PTPRM: variants seen among roughly 807,000 people sequenced by gnomAD.
The protein encoded by PTPRM is receptor-type tyrosine-protein phosphatase mu.
PTPRM carries 47 observed loss-of-function variants against 186.7 expected under a neutral mutation model. That is an observed-to-expected ratio of 0.25 (90% CI 0.20 to 0.32). The LOEUF is 0.32. Ranked by LOEUF, PTPRM falls within the 10% of genes least tolerant of loss-of-function variation. The probability of loss-of-function intolerance (pLI) is 1.00; values close to 1 mark genes in which losing one functional copy is unlikely to be tolerated. For missense variants in PTPRM, 1,494 were observed against 1,865.0 expected, an observed-to-expected ratio of 0.80 and a Z score of 3.66; for synonymous variants, 668 against 674.9, an observed-to-expected ratio of 0.99 and a Z score of 0.16.
intron 1 of PTPRM, among the ~76,000 whole-genome samples, chr18:7,628,422 T>G (rs568726660): frequency 6.6e-6 from 1 of 152,370 alleles, no homozygotes; most frequent in East Asian, 1.9e-4. Context: ...AATGAAAGTT[T>G]AAAACGATAA....
intron 2 of PTPRM, among the ~76,000 whole-genome samples, chr18:7,874,919 G>T (rs1417505798): frequency 2.6e-5 from 4 of 152,168 alleles, no homozygotes; most frequent in African/African-American, 9.7e-5. Flanking sequence ...ATGGCCTGGC[G>T]CAGTGGCTCA....
chr18:7,639,707 A>G (rs181220070), intron 1 of PTPRM, among the ~76,000 whole-genome samples: 106 of 152,260 alleles, frequency 7.0e-4, no homozygotes, highest in Non-Finnish European at 1.3e-3. Context: ...ATGCTTTTAT[A>G]TTCATATTCC....
At chr18:7,594,156 G>T (rs1238522625) in intron 1 of PTPRM, among the ~76,000 whole-genome samples, 2 of 152,086 alleles carry the variant, frequency 1.3e-5, no homozygotes, top group Non-Finnish European at 2.9e-5. Flanking sequence ...AGACAAAATA[G>T]TAAAGTCAGT....
chr18:7,827,084 A>AG (rs1175997984), intron 2 of PTPRM, among the ~76,000 whole-genome samples: 1 of 152,356 alleles, frequency 6.6e-6, no homozygotes, highest in African/African-American at 2.4e-5. Context: ...CCTGGGTGAC[A>AG]GCAAGGCCCT....
At position 7,976,750 on chromosome 18, in the gene PTPRM, G is replaced by A. The variant is rs115711419; in HGVS notation, c.1132+21336G>A. Among the ~76,000 whole-genome samples the A allele has an allele frequency of 5.0e-3, 762 of 152,254 alleles. 7 individuals carry two copies. Among genetic ancestry groups the A allele is most frequent in the African/African-American group, 0.017 (712 of 41,530 alleles). Reference sequence around the variant, plus strand: ...GAAAGGAAGAGAGGAAAATGAATGCGGAGTAAGCAACTGACAGTGGCCAGT... The same window carrying A: ...GAAAGGAAGAGAGGAAAATGAATGCAGAGTAAGCAACTGACAGTGGCCAGT... On this transcript the variant is annotated intron_variant, in intron 7 of 32. Coordinates refer to ENST00000580170, the MANE Select transcript of PTPRM (RefSeq NM_001105244.2).
intron 1 of PTPRM, among the ~76,000 whole-genome samples, chr18:7,602,165 A>G (rs2037418497): frequency 6.6e-6 from 1 of 152,194 alleles, no homozygotes; most frequent in Non-Finnish European, 1.5e-5. Flanking sequence ...TAAAGTGGTC[A>G]GGACTGCAGG....
At chr18:8,185,244 C>T (rs1348903508) in intron 14 of PTPRM, among the ~76,000 whole-genome samples, 1 of 152,218 alleles carries the variant, frequency 6.6e-6, no homozygotes, top group East Asian at 1.9e-4. Context: ...AGACATCCAT[C>T]TCTCCTGTAG....
intron 7 of PTPRM, among the ~76,000 whole-genome samples, chr18:7,998,245 G>C (rs1277949683): frequency 6.6e-6 from 1 of 151,880 alleles, no homozygotes; most frequent in African/African-American, 2.4e-5. Context: ...GGATGAGCCT[G>C]GAGGACATTA....
chr18:8,325,743 A>G (rs2148119525), intron 22 of PTPRM, among the ~76,000 whole-genome samples: 1 of 152,246 alleles, frequency 6.6e-6, no homozygotes. Flanking sequence ...AAGTTCTTTG[A>G]GAAATTTCCC....
intron 7 of PTPRM, among the ~76,000 whole-genome samples, chr18:8,012,678 C>A (rs528423051): frequency 6.6e-6 from 1 of 152,062 alleles, no homozygotes; most frequent in Non-Finnish European, 1.5e-5. Context: ...CTAGAACAGG[C>A]GCAATAAAAA....
At chr18:7,656,708 C>T (rs74594283) in intron 1 of PTPRM, among the ~76,000 whole-genome samples, 2,064 of 152,122 alleles carry the variant, frequency 0.014, 46 homozygotes, top group African/African-American at 0.047. Flanking sequence ...GAATATGTGA[C>T]GTGCATTTGA....
intron 2 of PTPRM, among the ~76,000 whole-genome samples, chr18:7,820,707 C>T (rs2045140005): frequency 6.6e-6 from 1 of 152,142 alleles, no homozygotes; most frequent in Non-Finnish European, 1.5e-5. Flanking sequence ...TGATGATCCT[C>T]TGGGCACAGC....
intron 11 of PTPRM, among the ~76,000 whole-genome samples, chr18:8,095,299 C>T (rs1310539380): frequency 2.0e-5 from 3 of 151,940 alleles, no homozygotes; most frequent in Admixed American, 6.6e-5. Flanking sequence ...TCTTGACAGA[C>T]GGCTGTTGTT....
At chr18:8,335,472 T>G (rs1346382157) in intron 22 of PTPRM, among the ~76,000 whole-genome samples, 2 of 152,346 alleles carry the variant, frequency 1.3e-5, no homozygotes, top group Non-Finnish European at 2.9e-5. Context: ...TCTAAACATT[T>G]GAGTTTGATA....
chr18:8,296,912 C>T (rs2095103271), intron 20 of PTPRM, among the ~76,000 whole-genome samples: 1 of 152,128 alleles, frequency 6.6e-6, no homozygotes, highest in South Asian at 2.1e-4. Flanking sequence ...GAAACTGAAA[C>T]TCAGAAGTTA....
At chr18:8,381,141 T>C (rs1359402404) in intron 29 of PTPRM, among the ~76,000 whole-genome samples, 3 of 152,156 alleles carry the variant, frequency 2.0e-5, no homozygotes, top group Non-Finnish European at 2.9e-5. Context: ...ATGTTAGTAA[T>C]GGAGTTAGAC....
chr18:7,753,690 T>C (rs757522330), intron 1 of PTPRM, among the ~76,000 whole-genome samples: 7 of 152,246 alleles, frequency 4.6e-5, no homozygotes, highest in Non-Finnish European at 8.8e-5. Context: ...CTGCAGACTT[T>C]CTTTGCCATA....
At position 7,998,694 on chromosome 18, in the gene PTPRM, G is replaced by T. The variant is rs542818343; in HGVS notation, c.1132+43280G>T. Among the ~76,000 whole-genome samples the T allele has an allele frequency of 1.6e-4, 24 of 152,006 alleles. No homozygotes were observed. In the South Asian group the frequency reaches 5.0e-3, roughly 32 times the overall value. On this transcript the variant is annotated intron_variant, in intron 7 of 32. Coordinates refer to ENST00000580170, the MANE Select transcript of PTPRM (RefSeq NM_001105244.2). Reference sequence around the variant, plus strand: ...TTTTTTGAGACAATCTTGCTGTGTTGCCCAGGCTGGAGTGCAGTGGCACGA... The same window carrying T: ...TTTTTTGAGACAATCTTGCTGTGTTTCCCAGGCTGGAGTGCAGTGGCACGA...
chr18:7,842,165 C>G (rs936589427), intron 2 of PTPRM, among the ~76,000 whole-genome samples: 8 of 152,026 alleles, frequency 5.3e-5, no homozygotes, highest in African/African-American at 1.9e-4. Flanking sequence ...AAATATGAGG[C>G]TAAATGAACC....
Sources: allele counts gnomAD v4.1 joint callset (sites outside exome capture counted in the v4.1 genomes callset), GRCh38; gene constraint gnomAD v4.1.1; transcripts MANE v1.5; gene names NCBI Gene and HGNC (gene_info 2026-07-23, HGNC 2026-07-21).